The following FAM117A variants were observed in gnomAD, a reference collection of about 807,000 sequenced individuals.
The protein encoded by FAM117A is protein FAM117A.
A neutral mutation model predicts 44.1 loss-of-function variants in FAM117A; 21 were observed. The ratio of observed to expected loss-of-function variants is 0.48; its 90% CI spans 0.34 to 0.69. FAM117A has a LOEUF of 0.69. Ranked by LOEUF, FAM117A falls within the 30% of genes least tolerant of loss-of-function variation. The pLI is 0.01. For synonymous variants in FAM117A, 220 were observed against 238.3 expected, an observed-to-expected ratio of 0.92 and a Z score of 0.71; for missense variants, 498 against 589.9, an observed-to-expected ratio of 0.84 and a Z score of 1.61.
chr17:49,719,396 G>C (rs2073522167), intron 5 of FAM117A, among the ~76,000 whole-genome samples: 1 of 152,210 alleles, frequency 6.6e-6, no homozygotes, highest in Non-Finnish European at 1.5e-5. Flanking sequence ...AGATGGAGAA[G>C]GGGCAGGGAG....
chr17:49,750,445 C>T (rs2143768075), intron 1 of FAM117A, among the ~76,000 whole-genome samples: 1 of 149,054 alleles, frequency 6.7e-6, no homozygotes, highest in Admixed American at 6.7e-5. Context: ...GCCAACAATG[C>T]AAACAGCAAG....
At chr17:49,718,716 C>T (rs1292170755) in intron 5 of FAM117A, among the ~76,000 whole-genome samples, 1 of 151,242 alleles carries the variant, frequency 6.6e-6, no homozygotes, top group Non-Finnish European at 1.5e-5. Flanking sequence ...AGCACGGTGG[C>T]TCACGCCTGT....
chr17:49,769,160 T>C (rs1406103696), intron 1 of FAM117A, among the ~76,000 whole-genome samples: 1 of 152,000 alleles, frequency 6.6e-6, no homozygotes, highest in African/African-American at 2.4e-5. Flanking sequence ...CTGGCCATGG[T>C]GGCACGCGCC....
In FAM117A at chr17:49,719,861, CAG is replaced by C. The variant is rs1212817769; in HGVS notation, c.605_606del (p.Pro202ArgfsTer37). The C allele has an allele frequency of 2.5e-6, 4 of 1,606,858 alleles. No homozygotes were observed. Among genetic ancestry groups the C allele is most frequent in the African/African-American group, 1.3e-5 (1 of 74,448 alleles). ...ASPPSFPSGS[P>X]VLRLSPCLHR... The stretch of plus-strand genomic sequence containing the variant: ...TGCAGGCAGGGGCTGAGTCGCAAGA[CAG>C]GGGACCCTGAGGGGAAGCTGGGAGG... On this transcript the variant is annotated frameshift_variant, in exon 5 of 8. Transcript: ENST00000240364. LOFTEE classifies it high-confidence loss of function.
chr17:49,731,916 G>A (rs762985218), intron 2 of FAM117A, among the ~76,000 whole-genome samples: 1 of 152,062 alleles, frequency 6.6e-6, no homozygotes, highest in East Asian at 1.9e-4. Context: ...CTCCCAAGTA[G>A]CTGGGACTGC....
At chr17:49,763,682 T>TCCC (rs1485830997) in intron 1 of FAM117A, among the ~76,000 whole-genome samples, 1 of 150,814 alleles carries the variant, frequency 6.6e-6, no homozygotes, top group Non-Finnish European at 1.5e-5. Flanking sequence ...GGGACCCGAC[T>TCCC]CCCCGCACAC....
At chr17:49,788,961 A>T (rs1328447341), upstream of FAM117A, 1 of 1,028,506 alleles carries the variant, frequency 9.7e-7, no homozygotes, top group Non-Finnish European at 1.4e-6. Context: ...GCTCCCCCGA[A>T]CCTTGTTCAG....
At chr17:49,742,433 A>G (rs2073638631) in intron 1 of FAM117A, among the ~76,000 whole-genome samples, 1 of 152,258 alleles carries the variant, frequency 6.6e-6, no homozygotes, top group African/African-American at 2.4e-5. Context: ...AAGAGTAGAC[A>G]GCAGTTACTT....
intron 2 of FAM117A, among the ~76,000 whole-genome samples, chr17:49,722,986 T>C (rs2073542432): frequency 6.6e-6 from 1 of 152,150 alleles, no homozygotes; most frequent in Non-Finnish European, 1.5e-5. Flanking sequence ...TCTCGCCCTC[T>C]ACATGTGTAG....
At chr17:49,738,200 A>C (rs564899559) in intron 1 of FAM117A, among the ~76,000 whole-genome samples, 1 of 152,276 alleles carries the variant, frequency 6.6e-6, no homozygotes, top group East Asian at 1.9e-4. Flanking sequence ...TAGGACAATA[A>C]TCATAGGTGG....
intron 6 of FAM117A, among the ~76,000 whole-genome samples, chr17:49,717,242 C>A (rs1254245113): frequency 6.6e-6 from 1 of 152,058 alleles, no homozygotes; most frequent in Non-Finnish European, 1.5e-5. Context: ...GAACCTCAGC[C>A]CAAAAATGGG....
intron 1 of FAM117A, among the ~76,000 whole-genome samples, chr17:49,782,203 G>A (rs895933198): frequency 1.3e-5 from 2 of 151,158 alleles, no homozygotes; most frequent in Non-Finnish European, 2.9e-5. Flanking sequence ...ATGAAACCCC[G>A]TCTCTACTAA....
intron 1 of FAM117A, among the ~76,000 whole-genome samples, chr17:49,758,638 AAAATAAATAAATAAAT>A (rs201340759): frequency 6.3e-4 from 85 of 135,196 alleles, no homozygotes; most frequent in African/African-American, 1.1e-3. Context: ...AAAAAAAAAT[AAAATAAATAAATAAAT>A]AAATAAATAA....
intron 1 of FAM117A, among the ~76,000 whole-genome samples, chr17:49,749,913 A>G (rs950302410): frequency 2.0e-5 from 3 of 148,456 alleles, no homozygotes; most frequent in African/African-American, 7.3e-5. Flanking sequence ...TTCCACCCCA[A>G]TGTGCTATGT....
At chr17:49,743,589 C>T (rs1598028590) in intron 1 of FAM117A, among the ~76,000 whole-genome samples, 1 of 152,202 alleles carries the variant, frequency 6.6e-6, no homozygotes, top group East Asian at 1.9e-4. Flanking sequence ...ATTAGCTGGG[C>T]ATGGTGGCGG....
At chr17:49,765,597 A>G (rs2073743193), upstream of FAM117A, 1 of 152,242 alleles carries the variant, frequency 6.6e-6, no homozygotes, top group South Asian at 2.1e-4. Context: ...TTTTCTTTGC[A>G]AAGAGTGTAC....
In FAM117A at chr17:49,722,559, A is replaced by G. The variant is rs1242921993; in HGVS notation, c.402T>C (p.Arg134=). 6.2e-7 allele frequency: 1 copy of G among 1,613,904 alleles called. No homozygotes were observed. Among genetic ancestry groups the G allele is most frequent in the Non-Finnish European group, 8.5e-7 (1 of 1,179,976 alleles). Reference sequence around the variant, plus strand: ...AGCGCTTGTGTGCACAGGAACTGGCACGCTCACCTTCTAGCTCTTGCCAGG... The same window carrying G: ...AGCGCTTGTGTGCACAGGAACTGGCGCGCTCACCTTCTAGCTCTTGCCAGG... ...PLSWQELEGE[R]ASSCAHKRSA... Residue 134 remains arginine, a synonymous_variant, in exon 3 of 8, where the codon CGT becomes CGC. Coordinates refer to ENST00000240364, the MANE Select transcript of FAM117A (RefSeq NM_030802.4).
chr17:49,787,855 G>A (rs1365904642), intron 1 of FAM117A, among the ~76,000 whole-genome samples: 2 of 152,000 alleles, frequency 1.3e-5, no homozygotes, highest in Non-Finnish European at 2.9e-5. Context: ...CTCTTCCTCC[G>A]CCTCGTAACT....
At chr17:49,740,405 G>T (rs563049315) in intron 1 of FAM117A, among the ~76,000 whole-genome samples, 1 of 151,924 alleles carries the variant, frequency 6.6e-6, no homozygotes, top group African/African-American at 2.4e-5. Context: ...GCCCACCACC[G>T]CGCCCGGCTA....
Sources: allele counts gnomAD v4.1 joint callset (sites outside exome capture counted in the v4.1 genomes callset), GRCh38; gene constraint gnomAD v4.1.1; transcripts MANE v1.5; gene names NCBI Gene and HGNC (gene_info 2026-07-23, HGNC 2026-07-21).